The following ADAMTS6 variants were observed in gnomAD, a reference collection of about 807,000 sequenced individuals.
ADAMTS6 encodes the protein ADAM metallopeptidase with thrombospondin type 1 motif 6.
Under a neutral mutation model 144.3 loss-of-function variants are expected in ADAMTS6, and 23 were observed. The ratio of observed to expected loss-of-function variants is 0.16; its 90% CI spans 0.11 to 0.23. ADAMTS6 has a LOEUF of 0.23. Among genes scored for constraint, ADAMTS6 ranks in the 10% least tolerant of loss-of-function variants. The pLI is 1.00. For missense variants in ADAMTS6, 999 were observed against 1,379.6 expected, an observed-to-expected ratio of 0.72 and a Z score of 4.37; for synonymous variants, 444 against 457.5, an observed-to-expected ratio of 0.97 and a Z score of 0.38.
intron 12 of ADAMTS6, among the ~76,000 whole-genome samples, chr5:65,271,238 A>G (rs1762029411): frequency 6.6e-6 from 1 of 152,006 alleles, no homozygotes; most frequent in African/African-American, 2.4e-5. Context: ...AAATACAAAA[A>G]TTAGCTGGGC....
At chr5:65,453,054 G>T in intron 4 of ADAMTS6, 136 bp from the exon 5 acceptor site, 1 of 615,876 alleles carries the variant, frequency 1.6e-6, no homozygotes, top group Non-Finnish European at 2.5e-6. Context: ...AGAAAATGCA[G>T]TAGTGAGAAA....
chr5:65,411,496 C>G (rs1000876610), intron 7 of ADAMTS6, among the ~76,000 whole-genome samples: 16 of 152,156 alleles, frequency 1.1e-4, no homozygotes, highest in African/African-American at 3.9e-4. Flanking sequence ...ATCCTATTAT[C>G]TCCTTCATCA....
At position 65,151,930 on chromosome 5, in the gene ADAMTS6, T is replaced by C. The variant is rs1474496418; in HGVS notation, c.3260A>G (p.Asn1087Ser). ...CACCAGTGGGCAATAAGCCACTTTA[T>C]TCACATCTTTGCACTCTAACGAATG... ...ISNTEECKDV[N>S]KVAYCPLVLK... Residue 1087 changes from asparagine to serine, a missense_variant, in exon 25 of 25, where the codon AAT (asparagine) becomes AGT (serine). Physicochemically the swap from Asn to Ser is conservative, Grantham distance 46. Transcript: ENST00000381055. 2 of 1,613,636 alleles carry C rather than the reference T, an allele frequency of 1.2e-6. No individual in the cohort carries two copies. Among genetic ancestry groups the C allele is most frequent in the Non-Finnish European group, 1.7e-6 (2 of 1,179,622 alleles).
At chr5:65,296,102 G>T (rs920626510) in intron 10 of ADAMTS6, among the ~76,000 whole-genome samples, 8 of 151,974 alleles carry the variant, frequency 5.3e-5, no homozygotes, top group Admixed American at 5.2e-4. Flanking sequence ...AATACAGTGG[G>T]TCAATCTAAA....
At chr5:65,190,147 G>C (rs1200735335) in intron 21 of ADAMTS6, among the ~76,000 whole-genome samples, 1 of 152,116 alleles carries the variant, frequency 6.6e-6, no homozygotes, top group Non-Finnish European at 1.5e-5. Flanking sequence ...CCAGCATTTA[G>C]AAATATAGTT....
chr5:65,477,763 A>ATTTT lies in ADAMTS6; in HGVS notation c.-280+3576_-280+3579dup, dbSNP rs201927162. On this transcript the variant is annotated intron_variant, in intron 1 of 24. Transcript: ENST00000381055. ...TATCACTCCCTTGCTCCCTCCCCACATTTTTTTTTTTTTTGGCCTCCAGTG... is the reference window on the plus strand; with the variant it reads ...TATCACTCCCTTGCTCCCTCCCCACATTTTTTTTTTTTTTTTTTGGCCTCCAGTG... Among the ~76,000 whole-genome samples the ATTTT allele has an allele frequency of 4.2e-3, 600 of 141,888 alleles. 4 individuals are homozygous for ATTTT. The highest frequency in any genetic ancestry group is 0.014 in the African/African-American group (552 of 39,100). 93.1% of individuals were successfully genotyped at this position (141,888 alleles called of 152,430 possible).
rs1185178311 is a variant in ADAMTS6, at chr5:65,295,986, C to T, written c.1370+3999G>A. Among the ~76,000 whole-genome samples, 5 of 152,120 alleles carry T rather than the reference C, an allele frequency of 3.3e-5. No individual in the cohort carries two copies. In the South Asian group the frequency reaches 8.3e-4, roughly 25 times the overall value. On this transcript the variant is annotated intron_variant, in intron 10 of 24. Coordinates refer to ENST00000381055, the MANE Select transcript of ADAMTS6 (RefSeq NM_197941.4). ...TTTACAGATCCCTATGTAAAATATG[C>T]ACTCATGGCTTTGTTTCCAGAACAC...
chr5:65,238,805 G>A (rs939891327), intron 15 of ADAMTS6, among the ~76,000 whole-genome samples: 7 of 152,008 alleles, frequency 4.6e-5, no homozygotes, highest in African/African-American at 1.7e-4. Context: ...AATAAATTGA[G>A]GGATATACCA....
chr5:65,190,274 T>C (rs1268243522), intron 21 of ADAMTS6, among the ~76,000 whole-genome samples: 3 of 152,218 alleles, frequency 2.0e-5, no homozygotes, highest in Admixed American at 2.0e-4. Flanking sequence ...CAAACATTTT[T>C]TCTAAGTCAT....
intron 7 of ADAMTS6, among the ~76,000 whole-genome samples, chr5:65,384,900 GGAA>G (rs1461443077): frequency 6.6e-6 from 1 of 152,190 alleles, no homozygotes; most frequent in Non-Finnish European, 1.5e-5. Context: ...CTAGAGGCAG[GGAA>G]GAAGATCAAG....
At chr5:65,270,555 T>G (rs1294702379) in intron 12 of ADAMTS6, among the ~76,000 whole-genome samples, 1 of 152,236 alleles carries the variant, frequency 6.6e-6, no homozygotes, top group Non-Finnish European at 1.5e-5. Flanking sequence ...CTGAGGACCA[T>G]CTACTGCTCT....
intron 7 of ADAMTS6, among the ~76,000 whole-genome samples, chr5:65,370,023 A>C (rs12520960): frequency 0.25 from 37,827 of 151,988 alleles, 6,037 homozygotes; most frequent in South Asian, 0.38. Flanking sequence ...GGAGAGTTTT[A>C]CATGGAAACC....
intron 14 of ADAMTS6, among the ~76,000 whole-genome samples, chr5:65,259,632 A>C (rs1580214812): frequency 6.6e-6 from 1 of 152,336 alleles, no homozygotes; most frequent in Admixed American, 6.5e-5. Context: ...TCTAGAAAAA[A>C]TAATGTGAAG....
At chr5:65,369,163 T>TGG (rs1750595567) in intron 7 of ADAMTS6, among the ~76,000 whole-genome samples, 1 of 152,184 alleles carries the variant, frequency 6.6e-6, no homozygotes, top group Non-Finnish European at 1.5e-5. Context: ...GAAGCTGCAG[T>TGG]GAGCTATGAT....
chr5:65,298,633 T>A (rs557258338), intron 10 of ADAMTS6, among the ~76,000 whole-genome samples: 21 of 152,276 alleles, frequency 1.4e-4, no homozygotes, highest in Non-Finnish European at 2.6e-4. Context: ...GTTTTCACTG[T>A]AGGCAAGTAT....
intron 7 of ADAMTS6, among the ~76,000 whole-genome samples, chr5:65,344,951 T>C (rs1225616075): frequency 1.3e-5 from 2 of 151,884 alleles, no homozygotes; most frequent in Non-Finnish European, 3.0e-5. Context: ...CTAACTGAGA[T>C]TCCCCTAATA....
At chr5:65,380,563 CAGACT>C (rs1229171105) in intron 7 of ADAMTS6, among the ~76,000 whole-genome samples, 1 of 152,096 alleles carries the variant, frequency 6.6e-6, no homozygotes, top group African/African-American at 2.4e-5. Context: ...GTAAAAAAGT[CAGACT>C]CTGTCTCAAA....
chr5:65,307,938 G>T (rs1011026097), intron 9 of ADAMTS6, among the ~76,000 whole-genome samples: 1 of 152,144 alleles, frequency 6.6e-6, no homozygotes, highest in Admixed American at 6.5e-5. Flanking sequence ...AGCCTCCCTT[G>T]TTCTCCAACC....
At chr5:65,160,144 A>G (rs577093407) in intron 24 of ADAMTS6, among the ~76,000 whole-genome samples, 2 of 152,290 alleles carry the variant, frequency 1.3e-5, no homozygotes, top group African/African-American at 2.4e-5. Context: ...TTAGATCTCA[A>G]TACGTCTCCC....
Sources: gnomAD v4.1 joint callset for allele counts (sites outside exome capture counted in the v4.1 genomes callset) on GRCh38, gnomAD v4.1.1 for gene constraint, MANE v1.5 for transcripts, NCBI Gene and HGNC (gene_info 2026-07-23, HGNC 2026-07-21) for gene names.